Variants in ANXA8 observed in about 807,000 individuals in gnomAD.
ANXA8 encodes annexin A8, also known as VAC-beta.
ANXA8 carries 9 observed loss-of-function variants against 26.8 expected under a neutral mutation model. The observed-to-expected ratio is 0.34, with a 90% CI of 0.20 to 0.59. The LOEUF (loss-of-function observed/expected upper bound fraction) is 0.59, where lower values mean the gene tolerates loss of function less well. Ranked by LOEUF, ANXA8 falls within the 20% of genes least tolerant of loss-of-function variation. ANXA8 has a pLI of 0.84. For missense variants in ANXA8, 83 were observed against 238.5 expected (o/e 0.35, Z 4.29); for synonymous variants, 39 against 94.8 (o/e 0.41, Z 3.42).
the ANXA8 span, among the ~76,000 whole-genome samples, chr10:47,653,387 A>T: frequency 1.3e-5 from 2 of 151,320 alleles, no homozygotes; most frequent in African/African-American, 4.9e-5. Context: ...ATTATGACAT[A>T]GTAGTGAGTT....
the ANXA8 span, among the ~76,000 whole-genome samples, chr10:47,733,203 T>TCTCTCTCTCTCTC: frequency 9.3e-6 from 1 of 107,730 alleles, no homozygotes. Context: ...CTTTCTTTCT[T>TCTCTCTCTCTCTC]TCTTTCTTTC....
chr10:47,647,621 G>T, the ANXA8 span, among the ~76,000 whole-genome samples: 1 of 149,330 alleles, frequency 6.7e-6, no homozygotes, highest in East Asian at 1.9e-4. Context: ...CAGAAGAAAT[G>T]ATGGGACCAG....
chr10:47,762,893 A>G, the ANXA8 span: 48 of 1,430,860 alleles, frequency 3.4e-5, no homozygotes, highest in Non-Finnish European at 4.2e-5. Flanking sequence ...CGCAGAGCCG[A>G]CCGTGAGCTC....
chr10:47,625,615 A>G, the ANXA8 span, among the ~76,000 whole-genome samples: 1 of 151,968 alleles, frequency 6.6e-6, no homozygotes, highest in Admixed American at 6.5e-5. Flanking sequence ...ACTTTTATCT[A>G]TCCCCAAGCA....
the ANXA8 span, among the ~76,000 whole-genome samples, chr10:47,522,302 AT>A: frequency 6.8e-6 from 1 of 146,366 alleles, no homozygotes; most frequent in Non-Finnish European, 1.5e-5. Flanking sequence ...AAGGAGGTAA[AT>A]AAAGTCTGTT....
the ANXA8 span, among the ~76,000 whole-genome samples, chr10:47,742,172 AAAAC>A: frequency 1.8e-5 from 2 of 114,134 alleles, no homozygotes; most frequent in African/African-American, 6.6e-5. Context: ...TTAAAGCAAA[AAAAC>A]AAGGTAAGCC....
At position 47,483,928 on chromosome 10, in the gene ANXA8, G is replaced by A; in HGVS notation, c.6C>T (p.Ala2=). M[A]WWKSWIEQEG... is the part of the protein sequence containing the mutation. ...TCCCACTTACCCAGGATTTCCACCA[G>A]GCCATCTCTTTCACCTCGGGGGCAC... is the stretch of plus-strand genomic sequence containing the variant. Residue 2 remains alanine (A), a synonymous_variant, in exon 1 of 12, where the codon GCC becomes GCT. Transcript: ENST00000585281. 13 of 1,611,686 alleles carry A rather than the reference G, an allele frequency of 8.1e-6. No individual in the cohort carries two copies. Among genetic ancestry groups the A allele is most frequent in the Non-Finnish European group, 1.1e-5 (13 of 1,179,852 alleles).
the ANXA8 span, among the ~76,000 whole-genome samples, chr10:47,682,348 A>G: frequency 7.0e-6 from 1 of 143,514 alleles, no homozygotes; most frequent in African/African-American, 2.6e-5. Flanking sequence ...TCTATCTCCA[A>G]CCCTTTGAGA....
At chr10:47,687,322 G>A in the ANXA8 span, among the ~76,000 whole-genome samples, 13 of 150,860 alleles carry the variant, frequency 8.6e-5, no homozygotes, top group South Asian at 2.7e-3. Flanking sequence ...GAGTGCTGGA[G>A]TGCAGTGGCA....
the ANXA8 span, among the ~76,000 whole-genome samples, chr10:47,650,380 AT>A: frequency 0.021 from 3,207 of 149,730 alleles, 67 homozygotes; most frequent in African/African-American, 0.074. Flanking sequence ...AAAGGACATC[AT>A]TAAGAAAGTG....
the ANXA8 span, among the ~76,000 whole-genome samples, chr10:47,651,053 G>A: frequency 1.3e-5 from 2 of 151,420 alleles, no homozygotes; most frequent in South Asian, 4.1e-4. Flanking sequence ...GGCAACATAG[G>A]GAGATAGGCG....
chr10:47,761,076 A>C, the ANXA8 span: 1 of 625,734 alleles, frequency 1.6e-6, no homozygotes, highest in Non-Finnish European at 2.7e-6. Context: ...TTCTGGGCCC[A>C]TACCAGGCAA....
chr10:47,606,519 T>C, the ANXA8 span, among the ~76,000 whole-genome samples: 1 of 147,842 alleles, frequency 6.8e-6, no homozygotes, highest in Non-Finnish European at 1.5e-5. Flanking sequence ...TGGAATACTA[T>C]GCAGACATAA....
At chr10:47,763,423 C>G in the ANXA8 span, 2 of 984,086 alleles carry the variant, frequency 2.0e-6, no homozygotes, top group African/African-American at 3.5e-5. Context: ...CCGTGAGGGG[C>G]TCTCGTAAGG....
the ANXA8 span, among the ~76,000 whole-genome samples, chr10:47,733,229 T>TTCTCTTTCTC: frequency 1.2e-4 from 8 of 67,900 alleles, no homozygotes; most frequent in African/African-American, 4.0e-4. Flanking sequence ...TTCTCTTTCT[T>TTCTCTTTCTC]TCTCTCTTTC....
chr10:47,660,769 C>CTT, the ANXA8 span, among the ~76,000 whole-genome samples: 10 of 83,858 alleles, frequency 1.2e-4, no homozygotes, highest in African/African-American at 3.9e-4. Context: ...TTTGGCGTGG[C>CTT]TTTTTTTTTT....
chr10:47,649,672 G>A, the ANXA8 span, among the ~76,000 whole-genome samples: 25 of 151,086 alleles, frequency 1.7e-4, no homozygotes, highest in Admixed American at 1.5e-3. Context: ...CTCCCAACGT[G>A]CTGGGATTAC....
At chr10:47,648,198 C>T in the ANXA8 span, among the ~76,000 whole-genome samples, 5 of 149,276 alleles carry the variant, frequency 3.3e-5, no homozygotes, top group African/African-American at 1.2e-4. Flanking sequence ...GAGATCTATT[C>T]TTCCATTCTC....
At chr10:47,575,040 G>C in the ANXA8 span, among the ~76,000 whole-genome samples, 1 of 129,846 alleles carries the variant, frequency 7.7e-6, no homozygotes, top group African/African-American at 3.1e-5. Flanking sequence ...TTCTCTACTT[G>C]GTAAGGAGGG....
Sources: allele counts gnomAD v4.1 joint callset (sites outside exome capture counted in the v4.1 genomes callset), GRCh38; gene constraint gnomAD v4.1.1; transcripts MANE v1.5; gene names NCBI Gene and HGNC (gene_info 2026-07-23, HGNC 2026-07-21).